The following PEMT variants were observed in gnomAD, a reference collection of about 807,000 sequenced individuals.
PEMT encodes phospholipid methyltransferase.
Under a neutral mutation model 27.4 loss-of-function variants are expected in PEMT, and 23 were observed. The observed-to-expected ratio is 0.84, with a 90% CI of 0.60 to 1.19. The LOEUF (loss-of-function observed/expected upper bound fraction) is 1.19, where lower values mean the gene tolerates loss of function less well. Ranked by LOEUF, PEMT falls within the 50% of genes most tolerant of loss-of-function variation. PEMT has a pLI of 0.00. For missense variants in PEMT, 307 were observed against 310.1 expected, an observed-to-expected ratio of 0.99 and a Z score of 0.07; for synonymous variants, 137 against 139.1, an observed-to-expected ratio of 0.98 and a Z score of 0.11.
At chr17:17,516,939 T>G (rs1274500158) in intron 3 of PEMT, among the ~76,000 whole-genome samples, 2 of 152,066 alleles carry the variant, frequency 1.3e-5, no homozygotes, top group Non-Finnish European at 2.9e-5. Context: ...ATTTCACAAA[T>G]AGAATTCAGG....
At chr17:17,519,459 G>A (rs1894525352) in intron 3 of PEMT, among the ~76,000 whole-genome samples, 1 of 152,198 alleles carries the variant, frequency 6.6e-6, no homozygotes, top group Non-Finnish European at 1.5e-5. Flanking sequence ...CCATCTGTAA[G>A]AAGCTGACTT....
intron 2 of PEMT, among the ~76,000 whole-genome samples, chr17:17,575,165 CTT>C (rs1449291491): frequency 1.3e-5 from 2 of 152,216 alleles, no homozygotes; most frequent in Non-Finnish European, 2.9e-5. Context: ...CTTCTTCCAG[CTT>C]CTGGTGGGCC....
At chr17:17,569,989 T>G (rs1911078773) in intron 2 of PEMT, among the ~76,000 whole-genome samples, 1 of 152,222 alleles carries the variant, frequency 6.6e-6, no homozygotes, top group South Asian at 2.1e-4. Context: ...GTGCTTTATT[T>G]CACAGAGTCG....
At chr17:17,555,986 C>T (rs542244242) in intron 2 of PEMT, among the ~76,000 whole-genome samples, 4 of 152,366 alleles carry the variant, frequency 2.6e-5, no homozygotes, top group African/African-American at 9.6e-5. Context: ...GAAACATGCT[C>T]TGAGGCCTTG....
intron 2 of PEMT, among the ~76,000 whole-genome samples, chr17:17,548,153 G>A (rs1909391305): frequency 6.6e-6 from 1 of 152,230 alleles, no homozygotes; most frequent in Non-Finnish European, 1.5e-5. Flanking sequence ...AACACTTTGA[G>A]GTAGCTATTG....
rs1911693510 is a variant in PEMT, at chr17:17,577,589, C to T, written c.97-562G>A. ...ATACGGGGGGCACGTGGACACTGCC[C>T]CCGCCCCGCCATCATCTTGCATGAA... On this transcript the variant is annotated intron_variant, in intron 1 of 6. Transcript: ENST00000255389. 1.8e-5 allele frequency: 15 copies of T among 841,068 alleles called. No individual in the cohort carries two copies. In the African/African-American group the frequency reaches 2.0e-4, roughly 11 times the overall value. The allele number at this position is 841,068 out of a possible 1,614,324, so 52.1% of individuals were successfully genotyped here.
chr17:17,584,177 T>G (rs1002348873), intron 1 of PEMT, among the ~76,000 whole-genome samples: 1 of 152,146 alleles, frequency 6.6e-6, no homozygotes, highest in Non-Finnish European at 1.5e-5. Context: ...CCTTTTTTTT[T>G]GAGATGGAGT....
chr17:17,521,129 C>T (rs1057441113), intron 3 of PEMT, among the ~76,000 whole-genome samples: 1 of 152,246 alleles, frequency 6.6e-6, no homozygotes, highest in African/African-American at 2.4e-5. Context: ...CCAAAGGGGG[C>T]AGCTGTGCCT....
rs1234427058 is a variant in PEMT at position 17,506,222 on chromosome 17, C to T, written c.653+5G>A. ...ACGCCCCCACCCGCCGCAGCCCCTA[C>T]TCACTCTTCGTATAGGAGAGCCACT... On this transcript the variant is annotated splice_donor_5th_base_variant and intron_variant, in intron 6 of 6. Coordinates refer to ENST00000255389, the MANE Select transcript of PEMT (RefSeq NM_148172.3). 1.3e-6 allele frequency: 2 copies of T among 1,563,012 alleles called. No individual in the cohort carries two copies. The highest frequency in any genetic ancestry group is 8.7e-7 in the Non-Finnish European group (1 of 1,151,368).
At position 17,512,648 on chromosome 17, in the gene PEMT, C is replaced by A. The variant is rs755735448; in HGVS notation, c.327G>T (p.Thr109=). 2.0e-6 allele frequency: 3 copies of A among 1,531,562 alleles called. No individual in the cohort carries two copies. Among genetic ancestry groups the A allele is most frequent in the South Asian group, 1.2e-5 (1 of 80,588 alleles). The allele number at this position is 1,531,562 out of a possible 1,614,324, so 94.9% of individuals were successfully genotyped here. The stretch of plus-strand genomic sequence containing the variant: ...TCCTGGGCTGGCTCAGCATGGCCTG[C>A]GTGAAGCTGTGGGCAGGGGATGGAG... The part of the protein sequence containing the change: ...LLNFLRSHCF[T]QAMLSQPRME... Residue 109 remains threonine, a synonymous_variant, in exon 4 of 7, where the codon ACG becomes ACT. Transcript: ENST00000255389. This position sits in a 1 kb window ranked among gnomAD's most constrained non-coding sequence, Gnocchi z 6.3.
intron 3 of PEMT, among the ~76,000 whole-genome samples, chr17:17,520,341 C>T (rs980541554): frequency 1.3e-5 from 2 of 152,180 alleles, no homozygotes; most frequent in Admixed American, 6.5e-5. Context: ...TGGGTGGTGC[C>T]GGTGCCTGCC....
chr17:17,591,942 T>C (rs571966761), upstream of PEMT: 3 of 985,434 alleles, frequency 3.0e-6, no homozygotes, highest in South Asian at 9.4e-5. Context: ...GGTCGCCGGC[T>C]GCCGCACCCG....
chr17:17,509,766 C>T (rs70965410), intron 4 of PEMT, among the ~76,000 whole-genome samples: 2,438 of 152,270 alleles, frequency 0.016, 36 homozygotes, highest in South Asian at 0.05. Flanking sequence ...TGCTGAGCAC[C>T]GCCCCTGCCC....
chr17:17,526,110 T>G lies in PEMT; in HGVS notation c.205-3715A>C, dbSNP rs896997801. On this transcript the variant is annotated intron_variant, in intron 2 of 6. Coordinates refer to ENST00000255389, the MANE Select transcript of PEMT (RefSeq NM_148172.3). The stretch of plus-strand genomic sequence containing the variant: ...AACCCTAATGCAACCGGGCCCTGGG[T>G]GTGTGTTTGCTCCATTCAGTAGCCC... 9.2e-5 allele frequency among the ~76,000 whole-genome samples: 14 copies of G among 152,194 alleles called. No individual in the cohort carries two copies. In the South Asian group the frequency reaches 1.7e-3, roughly 18 times the overall value.
At chr17:17,580,624 A>G (rs562714398) in intron 1 of PEMT, among the ~76,000 whole-genome samples, 1 of 152,260 alleles carries the variant, frequency 6.6e-6, no homozygotes, top group Admixed American at 6.5e-5. Context: ...AGAGTGAGTT[A>G]TCTCCCTGCA....
intron 5 of PEMT, among the ~76,000 whole-genome samples, chr17:17,506,508 C>A (rs761349395): frequency 6.6e-6 from 1 of 152,226 alleles, no homozygotes; most frequent in Non-Finnish European, 1.5e-5. Context: ...CGGTCCTGAT[C>A]CATTTATCAT....
chr17:17,591,251 C>T lies in PEMT; in HGVS notation c.96+280G>A, dbSNP rs1010832712. ...ACACGGACAACCTCTGAGTCTCACA[C>T]AATCTCAGGGCCACACACAGGCACA... On this transcript the variant is annotated intron_variant, in intron 1 of 6. Coordinates refer to ENST00000255389, the MANE Select transcript of PEMT (RefSeq NM_148172.3). Among the ~76,000 whole-genome samples, 97 of 152,282 alleles carry T rather than the reference C, an allele frequency of 6.4e-4. 1 individual carries two copies. The highest frequency in any genetic ancestry group is 2.3e-3 in the African/African-American group (94 of 41,574).
At chr17:17,579,198 T>C (rs1188827581) in intron 1 of PEMT, among the ~76,000 whole-genome samples, 3 of 152,214 alleles carry the variant, frequency 2.0e-5, no homozygotes, top group Non-Finnish European at 4.4e-5. Flanking sequence ...GACATAACTC[T>C]GCCTGCTACC....
Position 17,512,217 on chromosome 17 carries a change from C to T in PEMT, c.466+292G>A, listed in dbSNP as rs1034178019. Among the ~76,000 whole-genome samples the T allele has an allele frequency of 5.3e-5, 8 of 152,166 alleles. No individual in the cohort carries two copies. Among genetic ancestry groups the T allele is most frequent in the African/African-American group, 1.4e-4 (6 of 41,440 alleles). On this transcript the variant is annotated intron_variant, in intron 4 of 6. Transcript: ENST00000255389. The surrounding 1 kb of genome is among the most constrained non-coding windows in gnomAD (Gnocchi z 6.3). ...AAGGAGTCCTGCACCCAGCCCGGGC[C>T]GCAGAACGGGCATTGAGTGCATCTT...
Sources: gnomAD v4.1 joint callset for allele counts (sites outside exome capture counted in the v4.1 genomes callset) on GRCh38, gnomAD v4.1.1 for gene constraint, Gnocchi (gnomAD v3.1) non-coding constraint, MANE v1.5 for transcripts, NCBI Gene and HGNC (gene_info 2026-07-23, HGNC 2026-07-21) for gene names.